NAPEPLD: variants seen among roughly 807,000 people sequenced by gnomAD.
NAPEPLD encodes the protein N-acyl-phosphatidylethanolamine-hydrolyzing phospholipase D.
NAPEPLD carries 23 observed loss-of-function variants against 38.1 expected under a neutral mutation model. That is an observed-to-expected ratio of 0.60 (90% CI 0.43 to 0.86). NAPEPLD has a LOEUF of 0.86. Ranked by LOEUF, NAPEPLD falls within the 40% of genes least tolerant of loss-of-function variation. NAPEPLD has a pLI of 0.00. For missense variants in NAPEPLD, 411 were observed against 476.8 expected (o/e 0.86, Z 1.28); for synonymous variants, 147 against 162.0 (o/e 0.91, Z 0.71).
At chr7:103,141,903 T>G (rs1811474122) in intron 1 of NAPEPLD, 2 of 1,019,746 alleles carry the variant, frequency 2.0e-6, no homozygotes, top group Non-Finnish European at 1.6e-6. Flanking sequence ...CAGAGGACAC[T>G]AGAGGCAAGC....
intron 4 of NAPEPLD, among the ~76,000 whole-genome samples, chr7:103,104,904 G>A (rs942659631): frequency 2.6e-5 from 4 of 152,016 alleles, no homozygotes; most frequent in African/African-American, 4.8e-5. Context: ...TGCTGTACAA[G>A]TCTGGGCTAA....
Position 103,120,002 on chromosome 7 carries a change from T to C in NAPEPLD, c.516A>G (p.Ile172Met), listed in dbSNP as rs1429328072. ...PKRFRRSPCT[I>M]SELPPIDAVL... is the part of the protein sequence containing the mutation. ...CCGCATCTATTGGAGGGAGTTCACTTATTGTGCACGGGGAACGACGAAATC... is the reference window on the plus strand; with the variant it reads ...CCGCATCTATTGGAGGGAGTTCACTCATTGTGCACGGGGAACGACGAAATC... The change falls in exon 3 of 5, where the codon ATA (isoleucine) becomes ATG (methionine). Residue 172 changes from isoleucine to methionine, a missense_variant. By Grantham distance (10) the Ile-to-Met change is conservative. Transcript: ENST00000465647. The C allele has an allele frequency of 6.2e-7, 1 of 1,614,166 alleles. No homozygotes were observed. The highest frequency in any genetic ancestry group is 8.5e-7 in the Non-Finnish European group (1 of 1,180,018).
intron 2 of NAPEPLD, chr7:103,126,721 C>T (rs1257038768): frequency 6.6e-6 from 1 of 152,062 alleles, no homozygotes; most frequent in Non-Finnish European, 1.5e-5. Context: ...ATTCTCCTGC[C>T]TCAGCCTCCC....
chr7:103,140,387 C>CTTTTTTTTTT (rs377763676), intron 1 of NAPEPLD, among the ~76,000 whole-genome samples: 1 of 92,622 alleles, frequency 1.1e-5, no homozygotes. Flanking sequence ...TCACAGAACT[C>CTTTTTTTTTT]TTTTTTTTTT....
At chr7:103,149,400 TC>T (rs1813281246), upstream of NAPEPLD, 14 of 1,222,200 alleles carry the variant, frequency 1.1e-5, no homozygotes, top group Non-Finnish European at 1.2e-5. Context: ...CTCGGGTTCT[TC>T]CTAACCCGAG....
chr7:103,130,654 G>A (rs1295521622), intron 1 of NAPEPLD, among the ~76,000 whole-genome samples: 1 of 152,142 alleles, frequency 6.6e-6, no homozygotes, highest in Non-Finnish European at 1.5e-5. Context: ...GAATACAGTG[G>A]CTCAATCACG....
Position 103,147,165 on chromosome 7 carries a change from G to A in NAPEPLD, c.-17+1646C>T, listed in dbSNP as rs185807084. ...ATCAAGCAAAGCACTATAAATTGTA[G>A]ACAGAATTATTCAGTAGTATAGGCG... On this transcript the variant is annotated intron_variant, in intron 1 of 4. Coordinates refer to ENST00000465647, the MANE Select transcript of NAPEPLD (RefSeq NM_001122838.3). 6.8e-4 allele frequency among the ~76,000 whole-genome samples: 104 copies of A among 152,268 alleles called. 3 individuals carry two copies. Among genetic ancestry groups the A allele is most frequent in the Admixed American group, 6.0e-3 (92 of 15,298 alleles).
chr7:103,131,985 G>T (rs1359728154), intron 1 of NAPEPLD, among the ~76,000 whole-genome samples: 1 of 152,138 alleles, frequency 6.6e-6, no homozygotes, highest in Admixed American at 6.6e-5. Flanking sequence ...GTGGTGGCGC[G>T]TGCCTGCAGT....
chr7:103,117,110 A>C (rs1334382653), intron 3 of NAPEPLD, among the ~76,000 whole-genome samples: 1 of 152,280 alleles, frequency 6.6e-6, no homozygotes, highest in Non-Finnish European at 1.5e-5. Context: ...CTAGTCTGCC[A>C]GTGACAACTA....
At chr7:103,111,735 G>A (rs1804564725) in intron 4 of NAPEPLD, among the ~76,000 whole-genome samples, 1 of 152,182 alleles carries the variant, frequency 6.6e-6, no homozygotes, top group Non-Finnish European at 1.5e-5. Flanking sequence ...AAAAGCAATG[G>A]CAACAAAAGC....
At chr7:103,142,229 T>C (rs1811558643) in intron 1 of NAPEPLD, among the ~76,000 whole-genome samples, 1 of 152,192 alleles carries the variant, frequency 6.6e-6, no homozygotes, top group African/African-American at 2.4e-5. Context: ...TACTTCCTGT[T>C]CAGCACTCCA....
At chr7:103,114,015 C>T (rs897999893) in intron 4 of NAPEPLD, among the ~76,000 whole-genome samples, 1 of 152,070 alleles carries the variant, frequency 6.6e-6, no homozygotes, top group East Asian at 1.9e-4. Flanking sequence ...TCTCCTGCCT[C>T]AGCCTCCCGA....
At chr7:103,140,512 C>T (rs1451415752) in intron 1 of NAPEPLD, among the ~76,000 whole-genome samples, 1 of 151,044 alleles carries the variant, frequency 6.6e-6, no homozygotes, top group Non-Finnish European at 1.5e-5. Flanking sequence ...CCTGCCTCAG[C>T]CTCCCAAGTG....
rs1032606259 is a variant in NAPEPLD at position 103,101,288 on chromosome 7, T to G, written c.*2141A>C. On this transcript the variant is annotated 3_prime_UTR_variant, in exon 5 of 5. Transcript: ENST00000465647. The stretch of plus-strand genomic sequence containing the variant: ...TATTTTATGGGGGATTTTTTTGTGC[T>G]TTAGTACCCCAAAATCACATATGTT... 1 of 152,158 alleles carries G rather than the reference T, an allele frequency of 6.6e-6. No homozygotes were observed. Among genetic ancestry groups the G allele is most frequent in the Admixed American group, 6.6e-5 (1 of 15,266 alleles). The allele number at this position is 152,158 out of a possible 1,614,324, so 9.4% of individuals were successfully genotyped here. A position where few individuals can be genotyped will look rare whatever the true frequency, so the allele number is the denominator to read the frequency against.
intron 1 of NAPEPLD, among the ~76,000 whole-genome samples, chr7:103,147,313 T>A (rs1259821195): frequency 6.6e-6 from 1 of 152,218 alleles, no homozygotes; most frequent in African/African-American, 2.4e-5. Flanking sequence ...TAATTATACA[T>A]ACAGTTCATT....
chr7:103,107,400 T>C (rs1803584539), intron 4 of NAPEPLD, among the ~76,000 whole-genome samples: 1 of 151,520 alleles, frequency 6.6e-6, no homozygotes, highest in Admixed American at 6.6e-5. Context: ...ACAGAATGAG[T>C]TTGATGAATT....
chr7:103,143,011 C>G (rs540491908), intron 1 of NAPEPLD, among the ~76,000 whole-genome samples: 17 of 151,926 alleles, frequency 1.1e-4, no homozygotes, highest in African/African-American at 4.1e-4. Context: ...ATCACTTGAG[C>G]CCAGGAGTTC....
Position 103,148,942 on chromosome 7 carries a change from C to G in NAPEPLD, c.-148G>C. On this transcript the variant is annotated 5_prime_UTR_variant, in exon 1 of 5. Coordinates refer to ENST00000465647, the MANE Select transcript of NAPEPLD (RefSeq NM_001122838.3). ...CTTCACCGAGGCAGCTTCAGAGATG[C>G]AGGCTCCGCAACTCGCGAGGTGCGA... 1 of 985,418 alleles carries G rather than the reference C, an allele frequency of 1.0e-6. No homozygotes were observed. 61.0% of individuals were successfully genotyped at this position (985,418 alleles called of 1,614,324 possible).
chr7:103,120,152 T>G lies in NAPEPLD; in HGVS notation c.366A>C (p.Glu122Asp), dbSNP rs761759296. Residue 122 changes from glutamate to aspartate, a missense_variant, in exon 3 of 5, where the codon GAA becomes GAC. Coordinates refer to ENST00000465647, the MANE Select transcript of NAPEPLD (RefSeq NM_001122838.3). The part of the protein sequence containing the change: ...ITNPEEAGVR[E>D]AGLRVTWLGH... ...CCAGCCATGTGACTCTTAAGCCAGC[T>G]TCCCTCACTCCAGCTTCTTCAGGGT... 3.8e-5 allele frequency: 61 copies of G among 1,614,098 alleles called. No homozygotes were observed. The Middle Eastern group carries it at 4.9e-4, about 13-fold the overall frequency.
Sources: gnomAD v4.1 joint callset for allele counts (sites outside exome capture counted in the v4.1 genomes callset) on GRCh38, gnomAD v4.1.1 for gene constraint, MANE v1.5 for transcripts, NCBI Gene and HGNC (gene_info 2026-07-23, HGNC 2026-07-21) for gene names.